The following TMEM87B variants were observed in gnomAD, a reference collection of about 807,000 sequenced individuals.
The protein encoded by TMEM87B is transmembrane protein 87B.
Under a neutral mutation model 80.3 loss-of-function variants are expected in TMEM87B, and 83 were observed. The observed-to-expected ratio is 1.03, with a 90% CI of 0.87 to 1.24. The LOEUF is 1.24. TMEM87B is among the 50% of genes most tolerant of loss of function. The pLI is 0.00. For synonymous variants in TMEM87B, 219 were observed against 230.5 expected, an observed-to-expected ratio of 0.95 and a Z score of 0.45; for missense variants, 625 against 674.4, an observed-to-expected ratio of 0.93 and a Z score of 0.81.
At position 112,070,921 on chromosome 2, in the gene TMEM87B, A is replaced by G. The variant is rs775776708; in HGVS notation, c.450+3854A>G. Among the ~76,000 whole-genome samples the G allele has an allele frequency of 4.0e-4, 60 of 151,188 alleles. 1 individual carries two copies. The highest frequency in any genetic ancestry group is 3.1e-4 in the Non-Finnish European group (21 of 67,846). On this transcript the variant is annotated intron_variant, in intron 4 of 18. Coordinates refer to ENST00000283206, the MANE Select transcript of TMEM87B (RefSeq NM_032824.3). ...ACTGCAACCTCCACCTCCCGGGTTC[A>G]TGCCATTCTCCTGCCTCAGCCTCCC...
rs762000476 is a variant in TMEM87B at position 112,074,911 on chromosome 2, G to A, written c.451-1G>A. ...ATGGCATTATTTACTCTTTTTTCCAGAATAAAGAACTAATAAATATCAGAA... is the reference window on the plus strand; with the variant it reads ...ATGGCATTATTTACTCTTTTTTCCAAAATAAAGAACTAATAAATATCAGAA... On this transcript the variant is annotated splice_acceptor_variant, in intron 4 of 18. Transcript: ENST00000283206. LOFTEE classifies it high-confidence loss of function. 15 of 1,566,376 alleles carry A rather than the reference G, an allele frequency of 9.6e-6. No individual in the cohort carries two copies. In the East Asian group the frequency reaches 3.5e-4, roughly 36 times the overall value.
In TMEM87B at chr2:112,097,117, G is replaced by A. The variant is rs1558846047; in HGVS notation, c.1178G>A (p.Arg393Lys). The A allele has an allele frequency of 2.5e-6, 4 of 1,609,174 alleles. No homozygotes were observed. The highest frequency in any genetic ancestry group is 1.7e-5 in the Admixed American group (1 of 59,134). ...AACACTGTGAAATTTTCATTATATA[G>A]ACATTTTAAAAATACTCTGATCTTT... ...RKNTVKFSLY[R>K]HFKNTLIFAV... Residue 393 changes from arginine (R) to lysine (K), a missense_variant, in exon 12 of 19, where the codon AGA becomes AAA. Transcript: ENST00000283206.
intron 4 of TMEM87B, among the ~76,000 whole-genome samples, chr2:112,067,581 A>G (rs1678474053): frequency 6.6e-6 from 1 of 152,242 alleles, no homozygotes; most frequent in African/African-American, 2.4e-5. Flanking sequence ...CCTGGGCGAC[A>G]GAGCGAGACT....
chr2:112,090,038 C>T (rs536494970), intron 10 of TMEM87B, among the ~76,000 whole-genome samples: 2 of 152,338 alleles, frequency 1.3e-5, no homozygotes, highest in Non-Finnish European at 2.9e-5. Flanking sequence ...ACCTTAATAT[C>T]ATTCTTAACC....
At position 112,087,233 on chromosome 2, in the gene TMEM87B, T is replaced by TTTG. The variant is rs1573708488; in HGVS notation, c.938+1129_938+1130insTTG. On this transcript the variant is annotated intron_variant, in intron 9 of 18. Coordinates refer to ENST00000283206, the MANE Select transcript of TMEM87B (RefSeq NM_032824.3). ...GTCCAGCTTTCCTTCTGCCTCAGGC[T>TTTG]CCCACCCGAGCAGGGGAATTTGCCC... Among the ~76,000 whole-genome samples, 4 of 150,466 alleles carry TTTG rather than the reference T, an allele frequency of 2.7e-5. No individual in the cohort carries two copies. In the East Asian group the frequency reaches 7.9e-4, roughly 30 times the overall value.
At position 112,085,988 on chromosome 2, in the gene TMEM87B, A is replaced by AT. The variant is rs35496465; in HGVS notation, c.839-10dup. Reference sequence around the variant, plus strand: ...AGGTGTAGACAAAGTGAATTATTTTATTTTTTTCTTCCTCAGCCCAAGGCT... The same window carrying AT: ...AGGTGTAGACAAAGTGAATTATTTTATTTTTTTTCTTCCTCAGCCCAAGGCT... On this transcript the variant is annotated splice_polypyrimidine_tract_variant and intron_variant, in intron 8 of 18. Coordinates refer to ENST00000283206, the MANE Select transcript of TMEM87B (RefSeq NM_032824.3). 6.2e-7 allele frequency: 1 copy of AT among 1,609,050 alleles called. No homozygotes were observed. Among genetic ancestry groups the AT allele is most frequent in the South Asian group, 1.1e-5 (1 of 90,682 alleles).
At chr2:112,087,584 C>G (rs184254338) in intron 9 of TMEM87B, among the ~76,000 whole-genome samples, 3 of 152,282 alleles carry the variant, frequency 2.0e-5, no homozygotes, top group Admixed American at 1.3e-4. Context: ...TGTGCCCACT[C>G]AACTGTGAGG....
chr2:112,079,888 TTA>T (rs1159793068), intron 6 of TMEM87B, among the ~76,000 whole-genome samples: 1 of 152,084 alleles, frequency 6.6e-6, no homozygotes, highest in African/African-American at 2.4e-5. Flanking sequence ...TTTTGCTCAT[TTA>T]TATGTTTTCT....
intron 14 of TMEM87B, among the ~76,000 whole-genome samples, chr2:112,099,029 G>A (rs1679553148): frequency 6.6e-6 from 1 of 152,180 alleles, no homozygotes; most frequent in Non-Finnish European, 1.5e-5. Flanking sequence ...TTGGAGGCCA[G>A]TGAGACATGC....
intron 11 of TMEM87B, among the ~76,000 whole-genome samples, chr2:112,095,063 C>T (rs1357695172): frequency 6.6e-6 from 1 of 151,246 alleles, no homozygotes; most frequent in African/African-American, 2.4e-5. Flanking sequence ...AAAAAATAGG[C>T]TGAAAAATTC....
At position 112,112,941 on chromosome 2, in the gene TMEM87B, T is replaced by A. The variant is rs1244342314; in HGVS notation, c.1608+12T>A. Reference sequence around the variant, plus strand: ...TGGATTCAGATGAGGTAAAATATATTTTTGCATATTTCCTTGGAGCTGATA... The same window carrying A: ...TGGATTCAGATGAGGTAAAATATATATTTGCATATTTCCTTGGAGCTGATA... On this transcript the variant is annotated intron_variant, in intron 18 of 18. Coordinates refer to ENST00000283206, the MANE Select transcript of TMEM87B (RefSeq NM_032824.3). 6.2e-7 allele frequency: 1 copy of A among 1,610,662 alleles called. No homozygotes were observed. The highest frequency in any genetic ancestry group is 2.2e-5 in the East Asian group (1 of 44,816).
intron 15 of TMEM87B, among the ~76,000 whole-genome samples, chr2:112,103,516 C>T (rs954581408): frequency 6.6e-6 from 1 of 152,130 alleles, no homozygotes; most frequent in African/African-American, 2.4e-5. Flanking sequence ...CATGGATGAA[C>T]CTTGAAAACA....
intron 16 of TMEM87B, 100 bp from the exon 17 acceptor site, chr2:112,107,688 A>G (rs765564779): frequency 6.6e-5 from 37 of 560,472 alleles, no homozygotes; most frequent in Non-Finnish European, 1.0e-4. Context: ...AAGAATGTCA[A>G]ATATTTACAT....
At chr2:112,059,955 C>T (rs953492260) in intron 1 of TMEM87B, 22 bp from the exon 2 acceptor site, 4 of 1,592,668 alleles carry the variant, frequency 2.5e-6, no homozygotes, top group Non-Finnish European at 3.4e-6. Flanking sequence ...CAAGATCTTC[C>T]TGTGTTTGTT....
chr2:112,057,274 CTTTG>C (rs1389244938), intron 1 of TMEM87B, among the ~76,000 whole-genome samples: 1 of 152,106 alleles, frequency 6.6e-6, no homozygotes, highest in East Asian at 1.9e-4. Context: ...AATTTTGTTT[CTTTG>C]TTTTTGTTTG....
In TMEM87B at chr2:112,055,568, G is replaced by A. The variant is rs1447305473; in HGVS notation, c.-24G>A. On this transcript the variant is annotated 5_prime_UTR_variant, in exon 1 of 19. Coordinates refer to ENST00000283206, the MANE Select transcript of TMEM87B (RefSeq NM_032824.3). ...GCGGGTGTGGCAGGCGTCTCGGAGC[G>A]CCAGGTGCAGCTTCCTGGTCAAGAT... The A allele has an allele frequency of 6.8e-7, 1 of 1,479,414 alleles. No homozygotes were observed. The highest frequency in any genetic ancestry group is 2.2e-5 in the Admixed American group (1 of 45,116). The allele number at this position is 1,479,414 out of a possible 1,614,324, so 91.6% of individuals were successfully genotyped here.
At chr2:112,110,704 C>G (rs560188533) in intron 17 of TMEM87B, among the ~76,000 whole-genome samples, 150 of 152,114 alleles carry the variant, frequency 9.9e-4, no homozygotes, top group African/African-American at 3.5e-3. Flanking sequence ...TTTTATTTTT[C>G]TTTTATTTCT....
Position 112,055,630 on chromosome 2 carries a change from ACGC to A in TMEM87B, c.49_51del (p.Arg17del). 1 of 1,547,530 alleles carries A rather than the reference ACGC, an allele frequency of 6.5e-7. No homozygotes were observed. Among genetic ancestry groups the A allele is most frequent in the Non-Finnish European group, 8.7e-7 (1 of 1,149,040 alleles). On this transcript the variant is annotated inframe_deletion, in exon 1 of 19. Coordinates refer to ENST00000283206, the MANE Select transcript of TMEM87B (RefSeq NM_032824.3). ...GCCGCTCGGTAGCCGGGCTCCTGCC[ACGC>A]CGCCGCCGCTGCTTTCCCGCCCGGG...
intron 9 of TMEM87B, among the ~76,000 whole-genome samples, chr2:112,088,783 A>G (rs10178449): frequency 0.5 from 75,405 of 151,924 alleles, 19,235 homozygotes; most frequent in East Asian, 0.87. Context: ...TTTTGGAGAC[A>G]AAAGTCTCAC....
Sources: allele counts gnomAD v4.1 joint callset (sites outside exome capture counted in the v4.1 genomes callset), GRCh38; gene constraint gnomAD v4.1.1; transcripts MANE v1.5; gene names NCBI Gene and HGNC (gene_info 2026-07-23, HGNC 2026-07-21).